The following KSR2 variants were observed in gnomAD, a reference collection of about 807,000 sequenced individuals.
KSR2 encodes the protein kinase suppressor of ras 2.
In KSR2, 25 loss-of-function variants were observed where a neutral mutation model predicts 107.8. The ratio of observed to expected loss-of-function variants is 0.23; its 90% confidence interval spans 0.17 to 0.32. The LOEUF (loss-of-function observed/expected upper bound fraction) is 0.32. KSR2 is among the 10% of genes least tolerant of loss of function. The pLI, the probability that KSR2 is intolerant of heterozygous loss-of-function variation, is 1.00. For missense variants in KSR2, 887 were observed against 1,268.9 expected, an observed-to-expected ratio of 0.70 and a Z score of 4.57; for synonymous variants, 480 against 507.0, an observed-to-expected ratio of 0.95 and a Z score of 0.71.
intron 10 of KSR2, among the ~76,000 whole-genome samples, chr12:117,536,141 C>A (rs1332153241): frequency 6.6e-6 from 1 of 152,160 alleles, no homozygotes; most frequent in Non-Finnish European, 1.5e-5. Context: ...ACCCCCCCAG[C>A]CCCTTTTGGA....
At chr12:117,888,061 G>T (rs2137346358) in intron 1 of KSR2, among the ~76,000 whole-genome samples, 1 of 152,310 alleles carries the variant, frequency 6.6e-6, no homozygotes, top group Admixed American at 6.5e-5. Flanking sequence ...CTGAAGAAGG[G>T]CTTAATGCTT....
At chr12:117,632,882 T>C (rs964451092) in intron 5 of KSR2, among the ~76,000 whole-genome samples, 1 of 152,230 alleles carries the variant, frequency 6.6e-6, no homozygotes, top group Non-Finnish European at 1.5e-5. Context: ...TTCATTTTTA[T>C]GGCTGTGTAG....
chr12:117,702,800 C>G (rs192429664), intron 4 of KSR2, among the ~76,000 whole-genome samples: 37 of 152,286 alleles, frequency 2.4e-4, no homozygotes, highest in Non-Finnish European at 5.0e-4. Context: ...GAGCTGCTGG[C>G]CAGTGCACCG....
At chr12:117,542,110 C>T (rs1361880722) in intron 9 of KSR2, among the ~76,000 whole-genome samples, 1 of 152,018 alleles carries the variant, frequency 6.6e-6, no homozygotes, top group Admixed American at 6.6e-5. Flanking sequence ...TGGTTTCAAA[C>T]TCTTGGGCTC....
At chr12:117,933,356 C>T (rs1895747583) in intron 1 of KSR2, among the ~76,000 whole-genome samples, 2 of 152,024 alleles carry the variant, frequency 1.3e-5, no homozygotes, top group Non-Finnish European at 2.9e-5. Context: ...TTTGGGAGGC[C>T]GAGACAGGCA....
intron 4 of KSR2, among the ~76,000 whole-genome samples, chr12:117,703,347 A>T (rs940453072): frequency 2.6e-5 from 4 of 152,084 alleles, no homozygotes; most frequent in Non-Finnish European, 5.9e-5. Context: ...GGTGCCTAGG[A>T]TACTAAATTT....
chr12:117,847,210 T>G (rs142812146), intron 3 of KSR2, among the ~76,000 whole-genome samples: 562 of 152,224 alleles, frequency 3.7e-3, no homozygotes, highest in Non-Finnish European at 6.0e-3. Context: ...TAGAAGCAAG[T>G]AGAACAATAG....
intron 4 of KSR2, among the ~76,000 whole-genome samples, chr12:117,679,137 T>A (rs1443188062): frequency 6.6e-6 from 1 of 152,114 alleles, no homozygotes; most frequent in Non-Finnish European, 1.5e-5. Context: ...CCCAGTGCCG[T>A]CTTCTCTCCA....
At chr12:117,540,690 G>A (rs1029638440) in intron 9 of KSR2, among the ~76,000 whole-genome samples, 3 of 147,086 alleles carry the variant, frequency 2.0e-5, no homozygotes, top group Non-Finnish European at 4.7e-5. Context: ...GTCATGTGAA[G>A]ATGGAGGGAG....
intron 4 of KSR2, among the ~76,000 whole-genome samples, chr12:117,737,228 A>C (rs1042257278): frequency 8.5e-5 from 13 of 152,234 alleles, no homozygotes; most frequent in African/African-American, 3.1e-4. Context: ...TTAGGATTAG[A>C]GACAAGTTCT....
At chr12:117,589,505 A>T (rs1194161634) in intron 5 of KSR2, among the ~76,000 whole-genome samples, 1 of 152,088 alleles carries the variant, frequency 6.6e-6, no homozygotes, top group Non-Finnish European at 1.5e-5. Context: ...CAGCCCAGGG[A>T]CATGACAGAC....
chr12:117,699,817 G>T (rs1405120805), intron 4 of KSR2, among the ~76,000 whole-genome samples: 1 of 152,050 alleles, frequency 6.6e-6, no homozygotes, highest in South Asian at 2.1e-4. Flanking sequence ...ACACTGCAAG[G>T]TTACAATGGC....
At chr12:117,563,622 T>C (rs374061770) in intron 7 of KSR2, among the ~76,000 whole-genome samples, 38 of 152,282 alleles carry the variant, frequency 2.5e-4, no homozygotes, top group African/African-American at 8.2e-4. Context: ...TTATGGTAGT[T>C]ACCATAATTA....
rs149044136 is a variant in KSR2 at position 117,905,263 on chromosome 12, A to T, written c.181-44832T>A. 6.3e-3 allele frequency among the ~76,000 whole-genome samples: 959 copies of T among 152,228 alleles called. 12 individuals carry two copies. The highest frequency in any genetic ancestry group is 0.022 in the African/African-American group (910 of 41,504). On this transcript the variant is annotated intron_variant, in intron 1 of 19. Transcript: ENST00000339824. ...GAGATAGCTTATGATAAAAAATTTT[A>T]AAAAAACGTGTATTCAAGCTAACAC...
intron 4 of KSR2, among the ~76,000 whole-genome samples, chr12:117,707,029 T>G (rs1367627968): frequency 3.3e-5 from 5 of 152,180 alleles, no homozygotes; most frequent in African/African-American, 1.2e-4. Context: ...TATGTATATT[T>G]GTGTGTGTGT....
intron 5 of KSR2, among the ~76,000 whole-genome samples, chr12:117,605,844 A>G (rs545875276): frequency 2.2e-4 from 34 of 152,324 alleles, no homozygotes; most frequent in Middle Eastern, 3.4e-3. Context: ...AAATCTGGAA[A>G]CGATTATCCT....
chr12:117,759,747 T>C (rs1269486047), intron 4 of KSR2, among the ~76,000 whole-genome samples: 1 of 152,250 alleles, frequency 6.6e-6, no homozygotes. Context: ...TTTGTCATTA[T>C]GTGTCTGGCA....
chr12:117,555,339 T>A (rs535153079), intron 8 of KSR2, 46 bp from the exon 9 acceptor site: 2 of 1,608,584 alleles, frequency 1.2e-6, no homozygotes, highest in East Asian at 2.2e-5. Flanking sequence ...TATCACTTTG[T>A]CTTTGGTTAT....
At chr12:117,873,901 G>C (rs1442805915) in intron 1 of KSR2, among the ~76,000 whole-genome samples, 1 of 152,198 alleles carries the variant, frequency 6.6e-6, no homozygotes, top group Non-Finnish European at 1.5e-5. Flanking sequence ...AATCAAGAGA[G>C]AGCATTTAGA....
Sources: allele counts gnomAD v4.1 joint callset (sites outside exome capture counted in the v4.1 genomes callset), GRCh38; gene constraint gnomAD v4.1.1; transcripts MANE v1.5; gene names NCBI Gene and HGNC (gene_info 2026-07-23, HGNC 2026-07-21).